The following PHEX variants were observed in gnomAD, a reference collection of about 807,000 sequenced individuals.
PHEX encodes phosphate regulating endopeptidase X-linked.
In PHEX, 16 loss-of-function variants were observed where a neutral mutation model predicts 68.0. The observed-to-expected ratio is 0.24, with a 90% CI of 0.16 to 0.36. The LOEUF (loss-of-function observed/expected upper bound fraction) is 0.36, where lower values mean the gene tolerates loss of function less well. Ranked by LOEUF, PHEX falls within the 10% of genes least tolerant of loss-of-function variation. PHEX has a pLI of 1.00. For missense variants in PHEX, 480 were observed against 575.5 expected (o/e 0.83, Z 1.70); for synonymous variants, 208 against 205.1 (o/e 1.01, Z -0.12).
At chrX:22,136,678 G>T (rs1480682282) in intron 12 of PHEX, among the ~76,000 whole-genome samples, 1 of 111,994 alleles carries the variant, frequency 8.9e-6, no homozygotes, top group Non-Finnish European at 1.9e-5. Flanking sequence ...ACAGAAAGCT[G>T]CAGTGTTCTG....
chrX:22,179,030 C>A (rs1933798530), intron 14 of PHEX, among the ~76,000 whole-genome samples: 1 of 112,096 alleles, frequency 8.9e-6, no homozygotes, highest in Admixed American at 9.5e-5. Flanking sequence ...AAGTGCTTTA[C>A]AATTTTTAAT....
In PHEX at chrX:22,058,962, G is replaced by A. The variant is rs749732588; in HGVS notation, c.349+11751G>A. Among the ~76,000 whole-genome samples, 499 of 111,400 alleles carry A rather than the reference G, an allele frequency of 4.5e-3. 2 individuals carry two copies. The highest frequency in any genetic ancestry group is 0.015 in the African/African-American group (466 of 30,651). On this transcript the variant is annotated intron_variant, in intron 3 of 21. Coordinates refer to ENST00000379374, the MANE Select transcript of PHEX (RefSeq NM_000444.6). The stretch of plus-strand genomic sequence containing the variant: ...TGGGATTACAGGCGCCTGCCACCAC[G>A]CCTGGCTAATTTTTATATTTTTAGT...
chrX:22,120,111 G>T (rs987134843), intron 11 of PHEX, among the ~76,000 whole-genome samples: 8 of 111,567 alleles, frequency 7.2e-5, no homozygotes, highest in Non-Finnish European at 1.3e-4. Context: ...TTTCACTGAG[G>T]TTTAACTAGC....
intron 16 of PHEX, among the ~76,000 whole-genome samples, chrX:22,214,962 T>A (rs1445284834): frequency 9.0e-6 from 1 of 111,640 alleles, no homozygotes; most frequent in African/African-American, 3.3e-5. Context: ...TATATATATA[T>A]CTAAAAAATT....
At chrX:22,122,301 C>A (rs1264971418) in intron 11 of PHEX, among the ~76,000 whole-genome samples, 5 of 110,962 alleles carry the variant, frequency 4.5e-5, no homozygotes, top group Non-Finnish European at 9.4e-5. Flanking sequence ...TACTAAATGC[C>A]CGTTTCTGTT....
intron 12 of PHEX, among the ~76,000 whole-genome samples, chrX:22,162,102 A>G (rs1329436845): frequency 8.9e-6 from 1 of 112,002 alleles, no homozygotes; most frequent in Non-Finnish European, 1.9e-5. Context: ...GATCTTTTCT[A>G]GGGTTAGATT....
At chrX:22,043,281 A>G (rs183160229) in intron 2 of PHEX, among the ~76,000 whole-genome samples, 1 of 112,247 alleles carries the variant, frequency 8.9e-6, no homozygotes, top group Non-Finnish European at 1.9e-5. Context: ...CACAATGACT[A>G]CTTTTTCTGG....
At chrX:22,091,598 G>C (rs956020097) in intron 6 of PHEX, among the ~76,000 whole-genome samples, 1 of 111,509 alleles carries the variant, frequency 9.0e-6, no homozygotes, top group Non-Finnish European at 1.9e-5. Flanking sequence ...GCATGCCTTC[G>C]CTCCCAAGAC....
chrX:22,155,144 G>A (rs1370491646), intron 12 of PHEX, among the ~76,000 whole-genome samples: 1 of 112,352 alleles, frequency 8.9e-6, no homozygotes, highest in Non-Finnish European at 1.9e-5. Context: ...ACTTCTGACC[G>A]CAGGCAATCC....
At chrX:22,062,907 T>A (rs140063285) in intron 3 of PHEX, among the ~76,000 whole-genome samples, 291 of 110,848 alleles carry the variant, frequency 2.6e-3, no homozygotes, top group African/African-American at 9.0e-3. Context: ...ATTACAGGTG[T>A]GTGCCACCAT....
At chrX:22,040,607 TGAG>T (rs1421390689) in intron 2 of PHEX, among the ~76,000 whole-genome samples, 1 of 111,551 alleles carries the variant, frequency 9.0e-6, no homozygotes, top group Non-Finnish European at 1.9e-5. Context: ...CTTTGAATGA[TGAG>T]GAGGGAACTG....
chrX:22,228,683 T>C (rs183676492), intron 20 of PHEX, among the ~76,000 whole-genome samples: 43 of 106,401 alleles, frequency 4.0e-4, no homozygotes, highest in African/African-American at 1.2e-3. Flanking sequence ...TGTCCTCAAT[T>C]TTACAACATG....
At chrX:22,133,687 CATTGACTGTGTAGTTGGTTTTTAT>C (rs1204265534) in intron 12 of PHEX, 63 bp downstream of exon 12, 99 of 845,854 alleles carry the variant, frequency 1.2e-4, no homozygotes, top group Non-Finnish European at 1.1e-4. Context: ...TCATGCTTGA[CATTGACTGTGTAGTTGGTTTTTAT>C]ATTGACTGAA....
rs1230856079 is a variant in PHEX at position 22,127,891 on chromosome X, G to C, written c.1303-5632G>C. Among the ~76,000 whole-genome samples, 25 of 111,155 alleles carry C rather than the reference G, an allele frequency of 2.2e-4. No individual in the cohort carries two copies. The Admixed American group carries it at 2.4e-3, about 11-fold the overall frequency. On this transcript the variant is annotated intron_variant, in intron 11 of 21. Coordinates refer to ENST00000379374, the MANE Select transcript of PHEX (RefSeq NM_000444.6). ...TGGATTCAGGGAAGACAGAGGTGGT[G>C]GGGGCAGGGGAGGAGGTGGAAGAAA...
intron 7 of PHEX, among the ~76,000 whole-genome samples, chrX:22,096,314 G>T (rs1024188337): frequency 1.8e-5 from 2 of 112,277 alleles, no homozygotes; most frequent in Non-Finnish European, 3.8e-5. Flanking sequence ...ATTTGGTGTT[G>T]GCCAAATGGC....
intron 11 of PHEX, among the ~76,000 whole-genome samples, chrX:22,129,490 G>A (rs186007050): frequency 1.8e-3 from 204 of 111,507 alleles, no homozygotes; most frequent in African/African-American, 6.3e-3. Flanking sequence ...ATTTCATGGA[G>A]AAAAGACCCA....
At chrX:22,226,954 A>C (rs1935528246) in intron 19 of PHEX, among the ~76,000 whole-genome samples, 1 of 111,785 alleles carries the variant, frequency 8.9e-6, no homozygotes, top group Admixed American at 9.5e-5. Flanking sequence ...GTTCATAATA[A>C]CGTTTTCATC....
intron 15 of PHEX, among the ~76,000 whole-genome samples, chrX:22,193,129 A>T (rs1934255146): frequency 9.0e-6 from 1 of 111,197 alleles, no homozygotes; most frequent in Non-Finnish European, 1.9e-5. Context: ...CATATGTTAT[A>T]TGGGAACTTA....
At chrX:22,033,764 A>G (rs1926900305) in intron 1 of PHEX, among the ~76,000 whole-genome samples, 1 of 112,155 alleles carries the variant, frequency 8.9e-6, no homozygotes, top group South Asian at 3.7e-4. Context: ...GTACCCAGAG[A>G]GTATATAGGA....
Sources: allele counts gnomAD v4.1 joint callset (sites outside exome capture counted in the v4.1 genomes callset), GRCh38; gene constraint gnomAD v4.1.1; transcripts MANE v1.5; gene names NCBI Gene and HGNC (gene_info 2026-07-23, HGNC 2026-07-21).